Variants in PDE4D observed in about 807,000 individuals in gnomAD.
PDE4D encodes 3',5'-cyclic-AMP phosphodiesterase 4D.
In PDE4D, 24 loss-of-function variants were observed where a neutral mutation model predicts 87.4. The observed-to-expected ratio is 0.27, with a 90% confidence interval of 0.20 to 0.39. PDE4D has a LOEUF of 0.39. Among genes scored for constraint, PDE4D ranks in the 10% least tolerant of loss-of-function variants. The pLI, the probability that PDE4D is intolerant of heterozygous loss-of-function variation, is 1.00. For synonymous variants in PDE4D, 384 were observed against 383.2 expected, an observed-to-expected ratio of 1.00 and a Z score of -0.02; for missense variants, 714 against 1,041.0, an observed-to-expected ratio of 0.69 and a Z score of 4.32.
intron 5 of PDE4D, among the ~76,000 whole-genome samples, chr5:59,145,639 C>A (rs1206340256): frequency 2.6e-5 from 4 of 152,116 alleles, no homozygotes; most frequent in African/African-American, 9.7e-5. Flanking sequence ...CAAAGGGTAT[C>A]CCTGAAGAGT....
At chr5:59,754,457 T>C (rs998523451) in intron 1 of PDE4D, among the ~76,000 whole-genome samples, 2 of 152,156 alleles carry the variant, frequency 1.3e-5, no homozygotes, top group Admixed American at 6.6e-5. Flanking sequence ...AGGTGTGACC[T>C]ATGAAGTTAT....
chr5:59,095,538 G>A (rs1418608264), intron 5 of PDE4D, among the ~76,000 whole-genome samples: 1 of 152,068 alleles, frequency 6.6e-6, no homozygotes. Flanking sequence ...AAATAGCTAT[G>A]TATGCCAAGA....
intron 5 of PDE4D, among the ~76,000 whole-genome samples, chr5:59,126,826 T>A (rs1775473068): frequency 6.6e-6 from 1 of 152,218 alleles, no homozygotes; most frequent in Non-Finnish European, 1.5e-5. Flanking sequence ...TGCCCATTAA[T>A]GCCGTAAAAT....
intron 1 of PDE4D, among the ~76,000 whole-genome samples, chr5:59,751,477 C>T (rs531428077): frequency 2.0e-5 from 3 of 152,024 alleles, no homozygotes; most frequent in African/African-American, 7.2e-5. Flanking sequence ...GCAAGCTTAG[C>T]ATGGGGTAAG....
chr5:60,176,425 C>T (rs1244436351), intron 2 of PDE4D, among the ~76,000 whole-genome samples: 1 of 152,072 alleles, frequency 6.6e-6, no homozygotes, highest in African/African-American at 2.4e-5. Flanking sequence ...CTCTGAAGCT[C>T]TCTGCATCTC....
At chr5:59,872,794 G>A (rs1748014646) in intron 1 of PDE4D, among the ~76,000 whole-genome samples, 1 of 152,114 alleles carries the variant, frequency 6.6e-6, no homozygotes, top group Non-Finnish European at 1.5e-5. Context: ...GAATATTTTT[G>A]CCTTTGGGTA....
At chr5:58,989,073 G>A (rs1016319300) in intron 10 of PDE4D, among the ~76,000 whole-genome samples, 3 of 152,040 alleles carry the variant, frequency 2.0e-5, no homozygotes, top group African/African-American at 7.2e-5. Flanking sequence ...AGAATTCCTG[G>A]CCTCTACCAA....
intron 3 of PDE4D, among the ~76,000 whole-genome samples, chr5:59,975,493 T>C (rs1761226962): frequency 6.6e-6 from 1 of 152,216 alleles, no homozygotes; most frequent in Non-Finnish European, 1.5e-5. Context: ...AGTATCTTCT[T>C]ATATTCACTC....
At chr5:60,350,672 G>C (rs1178352541) in intron 1 of PDE4D, among the ~76,000 whole-genome samples, 1 of 152,112 alleles carries the variant, frequency 6.6e-6, no homozygotes, top group Non-Finnish European at 1.5e-5. Flanking sequence ...GGACAGGTGT[G>C]GCCAAATGGC....
At chr5:59,894,512 A>AG (rs1751430124), upstream of PDE4D, among the ~76,000 whole-genome samples, 1 of 152,106 alleles carries the variant, frequency 6.6e-6, no homozygotes, top group Non-Finnish European at 1.5e-5. Context: ...TTTCCTCTTG[A>AG]AGATCTTCCT....
At chr5:59,749,685 C>G (rs1760143102) in intron 1 of PDE4D, among the ~76,000 whole-genome samples, 1 of 152,146 alleles carries the variant, frequency 6.6e-6, no homozygotes. Context: ...CCAACTGTCT[C>G]AGGTCTTTTC....
intron 5 of PDE4D, among the ~76,000 whole-genome samples, chr5:59,043,287 G>A (rs543334174): frequency 9.2e-5 from 14 of 152,198 alleles, no homozygotes; most frequent in Non-Finnish European, 1.9e-4. Flanking sequence ...ACTTTGGGAG[G>A]CCAAGGCGGG....
chr5:58,981,323 T>A (rs1490157607), intron 11 of PDE4D, among the ~76,000 whole-genome samples: 1 of 152,150 alleles, frequency 6.6e-6, no homozygotes, highest in Non-Finnish European at 1.5e-5. Flanking sequence ...CTATCCTGCA[T>A]ACAACTAAAA....
intron 5 of PDE4D, among the ~76,000 whole-genome samples, chr5:59,159,126 T>C (rs371136529): frequency 0.37 from 56,550 of 151,928 alleles, 11,198 homozygotes; most frequent in Middle Eastern, 0.46. Flanking sequence ...TCCTCTGAAT[T>C]CTTACGATAC....
intron 5 of PDE4D, among the ~76,000 whole-genome samples, chr5:59,172,035 ATTATATATATAATATATAT>A (rs1782943756): frequency 7.4e-4 from 6 of 8,162 alleles, no homozygotes; most frequent in Non-Finnish European, 6.2e-4. Context: ...ATAAATATAT[ATTATATATATAATATATAT>A]ATATTATATA....
intron 5 of PDE4D, among the ~76,000 whole-genome samples, chr5:59,137,931 G>T (rs1380494109): frequency 6.6e-6 from 1 of 152,236 alleles, no homozygotes; most frequent in Non-Finnish European, 1.5e-5. Context: ...ATGTGACTCA[G>T]AATACTCTGC....
intron 1 of PDE4D, among the ~76,000 whole-genome samples, chr5:60,341,708 T>C (rs1758334834): frequency 6.6e-6 from 1 of 152,156 alleles, no homozygotes; most frequent in African/African-American, 2.4e-5. Flanking sequence ...GCTATTACCC[T>C]GCCTTTAAAA....
At chr5:60,172,529 C>G (rs544520168) in intron 2 of PDE4D, among the ~76,000 whole-genome samples, 1 of 152,184 alleles carries the variant, frequency 6.6e-6, no homozygotes, top group Non-Finnish European at 1.5e-5. Context: ...TACCTTTCTT[C>G]CCTGTTTTGT....
upstream of PDE4D, chr5:60,489,584 C>G (rs1384729427): frequency 6.6e-6 from 1 of 152,196 alleles, no homozygotes; most frequent in African/African-American, 2.4e-5. Context: ...ATTGTCCAAT[C>G]TGTGACTAGC....
Sources: gnomAD v4.1 joint callset for allele counts (sites outside exome capture counted in the v4.1 genomes callset) on GRCh38, gnomAD v4.1.1 for gene constraint, MANE v1.5 for transcripts, NCBI Gene and HGNC (gene_info 2026-07-23, HGNC 2026-07-21) for gene names.